The following ZMIZ1 variants were observed in gnomAD, a reference collection of about 807,000 sequenced individuals.
ZMIZ1 encodes zinc finger MIZ-type containing 1, also known as zinc finger MIZ domain-containing protein 1.
In ZMIZ1, 17 loss-of-function variants were observed where a neutral mutation model predicts 113.9. The ratio of observed to expected loss-of-function variants is 0.15; its 90% CI spans 0.10 to 0.22. The LOEUF (loss-of-function observed/expected upper bound fraction) is 0.22, where lower values mean the gene tolerates loss of function less well. ZMIZ1 is among the 10% of genes least tolerant of loss of function. The probability of loss-of-function intolerance (pLI) is 1.00; values close to 1 mark genes in which losing one functional copy is unlikely to be tolerated. For synonymous variants in ZMIZ1, 607 were observed against 603.1 expected, an observed-to-expected ratio of 1.01 and a Z score of -0.09; for missense variants, 1,059 against 1,477.8, an observed-to-expected ratio of 0.72 and a Z score of 4.65.
chr10:79,163,777 G>C (rs559790339), intron 4 of ZMIZ1, among the ~76,000 whole-genome samples: 2 of 152,230 alleles, frequency 1.3e-5, no homozygotes, highest in Non-Finnish European at 2.9e-5. Context: ...CGCCAAGTCC[G>C]CTGCTCTCTG....
chr10:79,201,469 G>T, intron 4 of ZMIZ1, 115 bp from the exon 5 acceptor site: 1 of 760,790 alleles, frequency 1.3e-6, no homozygotes. Context: ...GCCCCACAGG[G>T]CCCAGCAAAG....
intron 7 of ZMIZ1, among the ~76,000 whole-genome samples, chr10:79,218,336 G>A (rs1177546926): frequency 2.0e-5 from 3 of 152,136 alleles, no homozygotes; most frequent in Admixed American, 6.6e-5. Flanking sequence ...TTAGCTGGGT[G>A]CGGTGGTGCA....
intron 1 of ZMIZ1, among the ~76,000 whole-genome samples, chr10:79,100,437 G>GGA (rs1554850570): frequency 3.6e-5 from 4 of 110,724 alleles, no homozygotes; most frequent in Non-Finnish European, 3.7e-5. Flanking sequence ...CACCATCTCT[G>GGA]AAAAAAAAAA....
At chr10:79,248,828 G>A (rs1049436570) in intron 7 of ZMIZ1, among the ~76,000 whole-genome samples, 3 of 152,168 alleles carry the variant, frequency 2.0e-5, no homozygotes, top group African/African-American at 7.2e-5. Flanking sequence ...AAATCAATGT[G>A]TGCATTTCCC....
chr10:79,149,813 G>C (rs1296515194), intron 3 of ZMIZ1, among the ~76,000 whole-genome samples: 2 of 152,250 alleles, frequency 1.3e-5, no homozygotes, highest in African/African-American at 4.8e-5. Flanking sequence ...GGACACTGCT[G>C]TCTGCTGACT....
chr10:79,242,176 G>A (rs1849865699), intron 7 of ZMIZ1, among the ~76,000 whole-genome samples: 1 of 152,166 alleles, frequency 6.6e-6, no homozygotes. Flanking sequence ...CAGAGAGGTG[G>A]GGGGTGAGCA....
intron 7 of ZMIZ1, among the ~76,000 whole-genome samples, chr10:79,275,912 G>T (rs541968262): frequency 6.6e-6 from 1 of 152,236 alleles, no homozygotes; most frequent in Non-Finnish European, 1.5e-5. Context: ...GCAGAAGCAC[G>T]TTGTGCAGCA....
intron 7 of ZMIZ1, among the ~76,000 whole-genome samples, chr10:79,223,293 C>T (rs577954612): frequency 6.6e-6 from 1 of 152,360 alleles, no homozygotes; most frequent in East Asian, 1.9e-4. Flanking sequence ...TTACCAGCTG[C>T]CGGTGCCCCA....
rs567976207 is a variant in ZMIZ1 at position 79,125,199 on chromosome 10, G to C, written c.-227+6175G>C. Among the ~76,000 whole-genome samples, 6 of 152,336 alleles carry C rather than the reference G, an allele frequency of 3.9e-5. No homozygotes were observed. In the South Asian group the frequency reaches 1.2e-3, roughly 32 times the overall value. On this transcript the variant is annotated intron_variant, in intron 2 of 24. Transcript: ENST00000334512. ...GCAAGATAAAGCGACCGACGATGGAGCCAGGTGCCACAATCTGCACACCTC... is the reference window on the plus strand; with the variant it reads ...GCAAGATAAAGCGACCGACGATGGACCCAGGTGCCACAATCTGCACACCTC...
chr10:79,176,762 C>T (rs1178845887), intron 4 of ZMIZ1, among the ~76,000 whole-genome samples: 3 of 152,178 alleles, frequency 2.0e-5, no homozygotes, highest in Non-Finnish European at 2.9e-5. Flanking sequence ...CCATCAACCC[C>T]GTTGGGAATT....
At chr10:79,082,648 TCCCC>T (rs762106972) in intron 1 of ZMIZ1, among the ~76,000 whole-genome samples, 6 of 152,218 alleles carry the variant, frequency 3.9e-5, no homozygotes, top group Non-Finnish European at 8.8e-5. Flanking sequence ...TGGCTTGGTC[TCCCC>T]CTACTTTCAC....
At chr10:79,279,662 A>C (rs534466170) in intron 8 of ZMIZ1, among the ~76,000 whole-genome samples, 1 of 152,358 alleles carries the variant, frequency 6.6e-6, no homozygotes, top group South Asian at 2.1e-4. Flanking sequence ...ACTGCACTCC[A>C]GCCTGGGCAA....
intron 1 of ZMIZ1, among the ~76,000 whole-genome samples, chr10:79,081,009 T>TAA (rs1258064347): frequency 6.6e-6 from 1 of 152,098 alleles, no homozygotes; most frequent in Non-Finnish European, 1.5e-5. Context: ...ACGGATGACT[T>TAA]ATGCCCCATC....
intron 22 of ZMIZ1, 72 bp from the exon 23 acceptor site, chr10:79,307,333 C>A: frequency 1.4e-6 from 2 of 1,472,608 alleles, no homozygotes; most frequent in Non-Finnish European, 9.4e-7. Flanking sequence ...TTTTTACACA[C>A]TCTCTGTTCC....
chr10:79,110,349 C>T (rs777506953), intron 1 of ZMIZ1, among the ~76,000 whole-genome samples: 1 of 152,190 alleles, frequency 6.6e-6, no homozygotes, highest in Non-Finnish European at 1.5e-5. Flanking sequence ...GGTGGCCACT[C>T]GGTCTGGAAG....
At chr10:79,275,755 A>G (rs544758891) in intron 7 of ZMIZ1, among the ~76,000 whole-genome samples, 66 of 152,336 alleles carry the variant, frequency 4.3e-4, no homozygotes, top group African/African-American at 1.3e-3. Flanking sequence ...GCATGGGGCC[A>G]GGAGCAGGAG....
At chr10:79,290,061 C>T (rs992408708) in intron 9 of ZMIZ1, among the ~76,000 whole-genome samples, 172 bp downstream of exon 9, 2 of 152,244 alleles carry the variant, frequency 1.3e-5, no homozygotes, top group African/African-American at 4.8e-5. Flanking sequence ...GCTCTGCACC[C>T]GCCTCAGGAG....
At position 79,178,916 on chromosome 10, in the gene ZMIZ1, G is replaced by T. The variant is rs904883963; in HGVS notation, c.-50+16783G>T. ...AGCCCTGCTCTCCCAAGCCAGGGCC[G>T]CATGAAGCCCTGCCCCCGCCTGGCT... On this transcript the variant is annotated intron_variant, in intron 4 of 24. Coordinates refer to ENST00000334512, the MANE Select transcript of ZMIZ1 (RefSeq NM_020338.4). Among the ~76,000 whole-genome samples, 5 of 152,200 alleles carry T rather than the reference G, an allele frequency of 3.3e-5. No individual in the cohort carries two copies. The East Asian group carries it at 9.7e-4, about 29-fold the overall frequency.
chr10:79,232,419 A>G (rs1849429752), intron 7 of ZMIZ1, among the ~76,000 whole-genome samples: 1 of 152,180 alleles, frequency 6.6e-6, no homozygotes, highest in Non-Finnish European at 1.5e-5. Context: ...AAGATACATA[A>G]TAATTCATAG....
Sources: allele counts gnomAD v4.1 joint callset (sites outside exome capture counted in the v4.1 genomes callset), GRCh38; gene constraint gnomAD v4.1.1; transcripts MANE v1.5; gene names NCBI Gene and HGNC (gene_info 2026-07-23, HGNC 2026-07-21).